Variants in CLASP1 observed in about 807,000 individuals in gnomAD.
CLASP1 encodes CLIP-associating protein 1.
In CLASP1, 38 loss-of-function variants were observed where a neutral mutation model predicts 192.3. That is an observed-to-expected ratio of 0.20 (90% CI 0.15 to 0.26). The LOEUF is 0.26. Among genes scored for constraint, CLASP1 ranks in the 10% least tolerant of loss-of-function variants. CLASP1 has a pLI of 1.00. For synonymous variants in CLASP1, 691 were observed against 712.8 expected, an observed-to-expected ratio of 0.97 and a Z score of 0.49; for missense variants, 1,433 against 1,932.5, an observed-to-expected ratio of 0.74 and a Z score of 4.85.
chr2:121,389,665 C>T (rs530085000), intron 30 of CLASP1, among the ~76,000 whole-genome samples: 14 of 152,154 alleles, frequency 9.2e-5, no homozygotes, highest in East Asian at 1.9e-4. Context: ...TTGAATAGTA[C>T]GCTTTTTATG....
intron 2 of CLASP1, among the ~76,000 whole-genome samples, chr2:121,590,683 C>G (rs1166772231): frequency 6.6e-6 from 1 of 152,030 alleles, no homozygotes; most frequent in African/African-American, 2.4e-5. Flanking sequence ...GTAATAAAAA[C>G]AAATTATTAT....
intron 1 of CLASP1, among the ~76,000 whole-genome samples, chr2:121,615,874 G>A (rs940996407): frequency 5.9e-5 from 9 of 152,078 alleles, no homozygotes; most frequent in African/African-American, 2.2e-4. Flanking sequence ...ACTAATAGCT[G>A]TCAAGCAATA....
intron 6 of CLASP1, among the ~76,000 whole-genome samples, chr2:121,522,518 T>G (rs1207158922): frequency 6.6e-6 from 1 of 152,210 alleles, no homozygotes. Flanking sequence ...AAGTCTCACA[T>G]TTTCTATCTT....
At chr2:121,509,496 A>T (rs1262169236) in intron 7 of CLASP1, among the ~76,000 whole-genome samples, 1 of 152,154 alleles carries the variant, frequency 6.6e-6, no homozygotes, top group African/African-American at 2.4e-5. Context: ...TCAAGTGTAC[A>T]TGGAACATTA....
At chr2:121,487,965 G>A (rs2093078798) in intron 8 of CLASP1, among the ~76,000 whole-genome samples, 1 of 152,174 alleles carries the variant, frequency 6.6e-6, no homozygotes, top group African/African-American at 2.4e-5. Context: ...AGCACTTTCA[G>A]TTGACTCCTG....
rs558667045 is a variant in CLASP1 at position 121,530,993 on chromosome 2, G to A, written c.196-668C>T. ...ACTAGAGCTTTTGCTTTATTTTGGT[G>A]CAATTTTTGGAAAAATGAAAACCTG... On this transcript the variant is annotated intron_variant, in intron 2 of 39. Transcript: ENST00000263710. The A allele has an allele frequency of 4.6e-5, 32 of 700,232 alleles. No homozygotes were observed. Among genetic ancestry groups the A allele is most frequent in the Admixed American group, 6.0e-5 (3 of 49,990 alleles). 43.4% of individuals were successfully genotyped at this position (700,232 alleles called of 1,614,324 possible). A position where few individuals can be genotyped will look rare whatever the true frequency, so the allele number is the denominator to read the frequency against.
intron 1 of CLASP1, among the ~76,000 whole-genome samples, chr2:121,642,156 G>A (rs1268419718): frequency 1.3e-5 from 2 of 151,794 alleles, no homozygotes; most frequent in East Asian, 1.9e-4. Flanking sequence ...AGTGGCTCAC[G>A]CCTATAATCC....
chr2:121,361,834 T>C (rs984728997), intron 37 of CLASP1, among the ~76,000 whole-genome samples: 2 of 152,354 alleles, frequency 1.3e-5, no homozygotes, highest in East Asian at 3.9e-4. Context: ...ATCACCATCA[T>C]GCAACCAAGC....
At chr2:121,618,131 C>T (rs1053923598) in intron 1 of CLASP1, among the ~76,000 whole-genome samples, 4 of 152,246 alleles carry the variant, frequency 2.6e-5, no homozygotes, top group East Asian at 1.9e-4. Flanking sequence ...AATTCTACCA[C>T]GTATTTACTG....
rs183665358 is a variant in CLASP1, at chr2:121,437,215, G to A, written c.1913-7038C>T. 4.7e-4 allele frequency among the ~76,000 whole-genome samples: 72 copies of A among 151,848 alleles called. No individual in the cohort carries two copies. The Middle Eastern group carries it at 0.01, about 22-fold the overall frequency. On this transcript the variant is annotated intron_variant, in intron 19 of 39. Coordinates refer to ENST00000263710, the Ensembl canonical transcript of CLASP1. ...TGGGCTCAAGCAATCCTCCTGCCTCGGCCTCCAAAATTCCTAAGATTACAG... is the reference window on the plus strand; with the variant it reads ...TGGGCTCAAGCAATCCTCCTGCCTCAGCCTCCAAAATTCCTAAGATTACAG...
intron 19 of CLASP1, among the ~76,000 whole-genome samples, 192 bp from the exon 20 acceptor site, chr2:121,430,369 T>G (rs896146806): frequency 2.0e-5 from 3 of 152,274 alleles, no homozygotes; most frequent in African/African-American, 7.2e-5. Flanking sequence ...GCGCATATGA[T>G]CCACGCACAA....
intron 7 of CLASP1, among the ~76,000 whole-genome samples, chr2:121,510,368 C>T (rs188510553): frequency 6.6e-6 from 1 of 152,280 alleles, no homozygotes; most frequent in Non-Finnish European, 1.5e-5. Flanking sequence ...GGCATTACTG[C>T]TAAGCATGTA....
chr2:121,499,706 ACTTT>A (rs1027799059), intron 8 of CLASP1, among the ~76,000 whole-genome samples: 19 of 152,084 alleles, frequency 1.2e-4, no homozygotes, highest in African/African-American at 4.6e-4. Context: ...AGGGCATTTG[ACTTT>A]CTTTCTTTAA....
exon 17 of CLASP1, chr2:121,448,960 T>C: frequency 6.2e-7 from 1 of 1,612,910 alleles, no homozygotes; most frequent in Non-Finnish European, 8.5e-7. Flanking sequence ...TACTTTAGAC[T>C]CTCTTGAGAG....
At chr2:121,471,487 C>G (rs977043062) in intron 8 of CLASP1, among the ~76,000 whole-genome samples, 5 of 151,584 alleles carry the variant, frequency 3.3e-5, no homozygotes, top group African/African-American at 9.7e-5. Context: ...AGTTCTTTAC[C>G]AATAAGTTTG....
chr2:121,399,040 G>A (rs2075756116), intron 28 of CLASP1, among the ~76,000 whole-genome samples: 1 of 152,176 alleles, frequency 6.6e-6, no homozygotes, highest in African/African-American at 2.4e-5. Context: ...TGGGGCCCAC[G>A]TGGAAAATGG....
chr2:121,459,893 A>T, intron 12 of CLASP1, 87 bp downstream of exon 12: 1 of 1,289,654 alleles, frequency 7.8e-7, no homozygotes, highest in Non-Finnish European at 1.0e-6. Context: ...CATTAAAGAG[A>T]CCCAGCTCAC....
Position 121,392,097 on chromosome 2 carries a change from C to T in CLASP1, c.3124-4191G>A, listed in dbSNP as rs2074454503. On this transcript the variant is annotated intron_variant, in intron 30 of 39. Coordinates refer to ENST00000263710, the Ensembl canonical transcript of CLASP1. Reference sequence around the variant, plus strand: ...TACTTCTCCCTGCTCTAGCCAACAGCATCTTTATACTTCTAGGTTTCTTCG... The same window carrying T: ...TACTTCTCCCTGCTCTAGCCAACAGTATCTTTATACTTCTAGGTTTCTTCG... Among the ~76,000 whole-genome samples, 6 of 152,308 alleles carry T rather than the reference C, an allele frequency of 3.9e-5. No homozygotes were observed. In the South Asian group the frequency reaches 1.2e-3, roughly 32 times the overall value.
chr2:121,534,042 T>C (rs1303975503), intron 2 of CLASP1, among the ~76,000 whole-genome samples: 1 of 152,224 alleles, frequency 6.6e-6, no homozygotes, highest in African/African-American at 2.4e-5. Flanking sequence ...AAAGGACACC[T>C]GCAGCATCAG....
Sources: gnomAD v4.1 joint callset for allele counts (sites outside exome capture counted in the v4.1 genomes callset) on GRCh38, gnomAD v4.1.1 for gene constraint, MANE v1.5 for transcripts, NCBI Gene and HGNC (gene_info 2026-07-23, HGNC 2026-07-21) for gene names.